Variants in WDR7 observed in about 807,000 individuals in gnomAD.
WDR7 encodes the protein WD repeat-containing protein 7.
In WDR7, 46 loss-of-function variants were observed where a neutral mutation model predicts 169.4. The observed-to-expected ratio is 0.27, with a 90% CI of 0.21 to 0.35. WDR7 has a LOEUF of 0.35. WDR7 is among the 10% of genes least tolerant of loss of function. The pLI is 1.00. For missense variants in WDR7, 1,534 were observed against 1,859.3 expected (o/e 0.83, Z 3.22); for synonymous variants, 612 against 666.8 (o/e 0.92, Z 1.27).
intron 26 of WDR7, among the ~76,000 whole-genome samples, chr18:56,980,032 G>C (rs918734471): frequency 9.9e-5 from 15 of 152,246 alleles, no homozygotes; most frequent in Middle Eastern, 3.4e-3. Context: ...AGGCCATTCT[G>C]AGCTCTCCTC....
At chr18:56,688,627 A>T (rs964849442) in intron 7 of WDR7, among the ~76,000 whole-genome samples, 1 of 151,244 alleles carries the variant, frequency 6.6e-6, no homozygotes, top group African/African-American at 2.4e-5. Context: ...TACTTGGGAG[A>T]CTGAGGCAGA....
intron 14 of WDR7, among the ~76,000 whole-genome samples, chr18:56,744,891 G>A (rs956768868): frequency 8.5e-5 from 13 of 152,160 alleles, no homozygotes; most frequent in African/African-American, 2.7e-4. Flanking sequence ...AGCATTTAAG[G>A]TTTCTCAGGT....
At chr18:56,751,585 TATG>T (rs201351151) in intron 14 of WDR7, among the ~76,000 whole-genome samples, 1,971 of 152,322 alleles carry the variant, frequency 0.013, 21 homozygotes, top group East Asian at 0.033. Context: ...AATATTGATA[TATG>T]ATGATATTTT....
Position 57,029,758 on chromosome 18 carries a change from T to C in WDR7, c.*2551T>C, listed in dbSNP as rs986886694. The C allele has an allele frequency of 4.6e-5, 7 of 152,350 alleles. No homozygotes were observed. The South Asian group carries it at 1.5e-3, about 32-fold the overall frequency. 9.4% of individuals were successfully genotyped at this position (152,350 alleles called of 1,614,324 possible). On this transcript the variant is annotated 3_prime_UTR_variant, in exon 28 of 28. Transcript: ENST00000254442. The stretch of plus-strand genomic sequence containing the variant: ...TCTATGTGTGCTGAATGTTCCTGTG[T>C]ACATATGTGTGTTAAATAAAACAAT...
intron 19 of WDR7, among the ~76,000 whole-genome samples, chr18:56,806,775 G>C (rs537789489): frequency 2.2e-4 from 33 of 152,244 alleles, no homozygotes; most frequent in African/African-American, 7.7e-4. Flanking sequence ...CTCTGGTATA[G>C]GGCTTGTTGC....
chr18:56,691,714 G>T lies in WDR7; in HGVS notation c.864-1G>T, dbSNP rs750498524. The T allele has an allele frequency of 6.2e-7, 1 of 1,606,058 alleles. No homozygotes were observed. The highest frequency in any genetic ancestry group is 1.3e-5 in the African/African-American group (1 of 74,640). On this transcript the variant is annotated splice_acceptor_variant, in intron 8 of 27. Coordinates refer to ENST00000254442, the MANE Select transcript of WDR7 (RefSeq NM_015285.3). LOFTEE classifies it high-confidence loss of function. ...GAATATTGTATTTTTCCCATATTCAGTTGCCTTCCAGCTAGTGATTCATTC... is the reference window on the plus strand; with the variant it reads ...GAATATTGTATTTTTCCCATATTCATTTGCCTTCCAGCTAGTGATTCATTC...
chr18:56,964,946 A>G (rs1342452597), intron 26 of WDR7, among the ~76,000 whole-genome samples: 1 of 152,176 alleles, frequency 6.6e-6, no homozygotes, highest in Non-Finnish European at 1.5e-5. Context: ...TTATTTTACT[A>G]GCATTATAAT....
chr18:56,936,565 A>G (rs533035487), intron 23 of WDR7, among the ~76,000 whole-genome samples: 2 of 152,282 alleles, frequency 1.3e-5, no homozygotes, highest in African/African-American at 4.8e-5. Context: ...TCCATGGGGT[A>G]TGGGCTCTGT....
At chr18:56,791,182 T>C (rs1018226347) in intron 19 of WDR7, among the ~76,000 whole-genome samples, 7 of 152,138 alleles carry the variant, frequency 4.6e-5, no homozygotes, top group African/African-American at 7.2e-5. Context: ...AGAGTTTACA[T>C]TTTACTAGGA....
chr18:56,836,256 C>T (rs2045394516), intron 20 of WDR7, among the ~76,000 whole-genome samples: 1 of 152,100 alleles, frequency 6.6e-6, no homozygotes, highest in Non-Finnish European at 1.5e-5. Flanking sequence ...CAGGATTCAC[C>T]TAAATTTTGG....
chr18:56,755,524 C>T (rs546996246), intron 14 of WDR7, among the ~76,000 whole-genome samples: 40 of 152,208 alleles, frequency 2.6e-4, no homozygotes, highest in African/African-American at 7.5e-4. Context: ...AGGAAGAAAA[C>T]AGAATGATTT....
chr18:56,862,092 A>C (rs903407749), intron 20 of WDR7, among the ~76,000 whole-genome samples: 4 of 152,186 alleles, frequency 2.6e-5, no homozygotes, highest in Middle Eastern at 3.4e-3. Context: ...AGTAGATGAA[A>C]ATTTGCATAT....
At chr18:56,739,839 G>GT (rs1454311201) in intron 14 of WDR7, among the ~76,000 whole-genome samples, 1 of 142,840 alleles carries the variant, frequency 7.0e-6, no homozygotes, top group Non-Finnish European at 1.5e-5. Flanking sequence ...TTTTTCCCTT[G>GT]TTTTTTAGCA....
chr18:56,906,470 A>C (rs988615918), intron 21 of WDR7, among the ~76,000 whole-genome samples: 1 of 152,136 alleles, frequency 6.6e-6, no homozygotes, highest in Admixed American at 6.6e-5. Flanking sequence ...CACTGGTTCA[A>C]AGTTGTTGAA....
intron 19 of WDR7, among the ~76,000 whole-genome samples, chr18:56,807,347 A>G (rs181291331): frequency 6.6e-6 from 1 of 152,260 alleles, no homozygotes; most frequent in African/African-American, 2.4e-5. Context: ...ATAACAATTT[A>G]TAGGTTGAAC....
At chr18:56,762,855 C>T (rs905234245) in intron 16 of WDR7, among the ~76,000 whole-genome samples, 5 of 149,562 alleles carry the variant, frequency 3.3e-5, no homozygotes, top group African/African-American at 1.2e-4. Context: ...TGGCGAAATG[C>T]CTATTTATAT....
intron 25 of WDR7, among the ~76,000 whole-genome samples, chr18:56,955,773 A>G (rs1568284900): frequency 6.6e-6 from 1 of 152,114 alleles, no homozygotes; most frequent in Non-Finnish European, 1.5e-5. Flanking sequence ...GCATTAACTC[A>G]TTTCAACCAC....
chr18:56,849,917 C>A (rs1043694774), intron 20 of WDR7, among the ~76,000 whole-genome samples: 1 of 152,174 alleles, frequency 6.6e-6, no homozygotes, highest in South Asian at 2.1e-4. Context: ...GGACTTGCTA[C>A]TATTGACGAC....
intron 21 of WDR7, among the ~76,000 whole-genome samples, chr18:56,883,402 G>A (rs1341378552): frequency 6.6e-6 from 1 of 151,218 alleles, no homozygotes; most frequent in African/African-American, 2.4e-5. Context: ...TTGTGAATTA[G>A]CTTCTATATG....
Sources: gnomAD v4.1 joint callset for allele counts (sites outside exome capture counted in the v4.1 genomes callset) on GRCh38, gnomAD v4.1.1 for gene constraint, MANE v1.5 for transcripts, NCBI Gene and HGNC (gene_info 2026-07-23, HGNC 2026-07-21) for gene names.